KCMF1: variants seen among roughly 807,000 people sequenced by gnomAD.
KCMF1 encodes E3 ubiquitin-protein ligase KCMF1.
In KCMF1, 3 loss-of-function variants were observed where a neutral mutation model predicts 41.1. The ratio of observed to expected loss-of-function variants is 0.07; its 90% confidence interval spans 0.03 to 0.19. The LOEUF (loss-of-function observed/expected upper bound fraction) is 0.19, where lower values mean the gene tolerates loss of function less well. KCMF1 is among the 10% of genes least tolerant of loss of function. The probability of loss-of-function intolerance (pLI) is 1.00; values close to 1 mark genes in which losing one functional copy is unlikely to be tolerated. For missense variants in KCMF1, 286 were observed against 488.9 expected, an observed-to-expected ratio of 0.58 and a Z score of 3.91; for synonymous variants, 142 against 164.5, an observed-to-expected ratio of 0.86 and a Z score of 1.04.
At chr2:85,041,541 C>T (rs1035528960) in intron 3 of KCMF1, among the ~76,000 whole-genome samples, 1 of 152,080 alleles carries the variant, frequency 6.6e-6, no homozygotes, top group Non-Finnish European at 1.5e-5. Flanking sequence ...ATAGATTTTA[C>T]CCGAAGGCCA....
chr2:85,043,309 A>G (rs933242191), intron 3 of KCMF1, among the ~76,000 whole-genome samples: 5 of 152,160 alleles, frequency 3.3e-5, no homozygotes, highest in Admixed American at 3.3e-4. Context: ...AGACCATACA[A>G]ATGAATCAGG....
chr2:85,001,776 G>A (rs961964748), intron 1 of KCMF1, among the ~76,000 whole-genome samples: 2 of 152,106 alleles, frequency 1.3e-5, no homozygotes, highest in Non-Finnish European at 1.5e-5. Flanking sequence ...ATCACATGTT[G>A]CCTAGCAACA....
chr2:85,041,580 A>T (rs1400462012), intron 3 of KCMF1, among the ~76,000 whole-genome samples: 1 of 152,188 alleles, frequency 6.6e-6, no homozygotes, highest in Non-Finnish European at 1.5e-5. Flanking sequence ...TAGAAGAAAG[A>T]TGCCTTTTCC....
At chr2:84,996,002 A>G (rs975265487) in intron 1 of KCMF1, among the ~76,000 whole-genome samples, 1 of 152,246 alleles carries the variant, frequency 6.6e-6, no homozygotes, top group African/African-American at 2.4e-5. Context: ...AAGTTCAGAT[A>G]CCACAAGCAG....
chr2:85,053,224 C>G lies in KCMF1; in HGVS notation c.961C>G (p.Gln321Glu), dbSNP rs1315878276. 1 of 1,614,004 alleles carries G rather than the reference C, an allele frequency of 6.2e-7. No individual in the cohort carries two copies. Among genetic ancestry groups the G allele is most frequent in the Admixed American group, 1.7e-5 (1 of 60,020 alleles). Residue 321 changes from glutamine (Q) to glutamate (E), a missense_variant, in exon 7 of 7, where the codon CAA becomes GAA. Transcript: ENST00000409785. ...SERADRSLFV[Q>E]ELLLSTLVRE... ...GCGTGCAGACCGCAGCCTGTTTGTC[C>G]AAGAGCTCCTTCTGTCCACTTTAGT...
intron 1 of KCMF1, among the ~76,000 whole-genome samples, chr2:85,016,280 A>G (rs1048978075): frequency 1.3e-5 from 2 of 152,116 alleles, no homozygotes; most frequent in African/African-American, 4.8e-5. Flanking sequence ...GTGTGTTTGT[A>G]CGGGTCTCGA....
intron 3 of KCMF1, among the ~76,000 whole-genome samples, chr2:85,036,156 A>G (rs183917368): frequency 6.6e-5 from 10 of 152,324 alleles, no homozygotes; most frequent in Admixed American, 2.0e-4. Context: ...TGAAGTTGTT[A>G]TAACATGTAT....
intron 1 of KCMF1, among the ~76,000 whole-genome samples, chr2:85,015,135 C>T (rs1234883116): frequency 1.7e-5 from 2 of 119,640 alleles, no homozygotes; most frequent in East Asian, 2.4e-4. Context: ...GCCTGGGCGA[C>T]AGAGTGAGAC....
chr2:85,004,717 C>T (rs1303618733), intron 1 of KCMF1, among the ~76,000 whole-genome samples: 1 of 151,984 alleles, frequency 6.6e-6, no homozygotes, highest in African/African-American at 2.4e-5. Context: ...TTTGCTTACC[C>T]TTTATATTAC....
chr2:84,994,464 C>T (rs560528487), intron 1 of KCMF1, among the ~76,000 whole-genome samples: 51 of 151,932 alleles, frequency 3.4e-4, no homozygotes, highest in African/African-American at 9.4e-4. Context: ...AGTGCAATGG[C>T]GTGATCTCAG....
intron 3 of KCMF1, among the ~76,000 whole-genome samples, chr2:85,036,274 T>A (rs936422092): frequency 1.3e-5 from 2 of 152,250 alleles, no homozygotes; most frequent in African/African-American, 2.4e-5. Flanking sequence ...CTCAGACTAC[T>A]GTTGTCACAT....
chr2:85,056,192 A>G lies in KCMF1; in HGVS notation c.*2783A>G, dbSNP rs1470957343. ...TGGATTCTTATAATTAGGCTCAGGT[A>G]AAGTAAGAGAAAACTTCTCTCCCTG... On this transcript the variant is annotated 3_prime_UTR_variant, in exon 7 of 7. Coordinates refer to ENST00000409785, the MANE Select transcript of KCMF1 (RefSeq NM_020122.5). The G allele has an allele frequency of 1.3e-5, 2 of 150,498 alleles. No homozygotes were observed. Among genetic ancestry groups the G allele is most frequent in the Admixed American group, 6.6e-5 (1 of 15,144 alleles). 9.3% of individuals were successfully genotyped at this position (150,498 alleles called of 1,614,324 possible).
chr2:84,985,844 T>C (rs990886200), intron 1 of KCMF1, among the ~76,000 whole-genome samples: 1 of 151,494 alleles, frequency 6.6e-6, no homozygotes, highest in African/African-American at 2.4e-5. Flanking sequence ...AAAAAAACCC[T>C]TGGGCCTAGA....
At chr2:85,029,462 G>A (rs936948095) in intron 2 of KCMF1, among the ~76,000 whole-genome samples, 32 of 151,892 alleles carry the variant, frequency 2.1e-4, no homozygotes, top group Non-Finnish European at 7.4e-5. Flanking sequence ...GGATGTGGTG[G>A]CGCACATGCA....
In KCMF1 at chr2:84,999,623, C is replaced by G. The variant is rs373540247; in HGVS notation, c.16+28156C>G. ...AAAGAAATAAGATCAGAAGAACTTT[C>G]ATTTTCCTATACTATTTATAGATAT... On this transcript the variant is annotated intron_variant, in intron 1 of 6. Transcript: ENST00000409785. 3.9e-5 allele frequency among the ~76,000 whole-genome samples: 6 copies of G among 152,166 alleles called. No individual in the cohort carries two copies. The East Asian group carries it at 9.6e-4, about 24-fold the overall frequency.
chr2:84,980,572 T>G (rs1041909554), intron 1 of KCMF1, among the ~76,000 whole-genome samples: 1 of 152,124 alleles, frequency 6.6e-6, no homozygotes, highest in Non-Finnish European at 1.5e-5. Flanking sequence ...AGTTGTTGGC[T>G]CTCTGAGTTG....
At chr2:84,992,516 T>G (rs1268157229) in intron 1 of KCMF1, among the ~76,000 whole-genome samples, 1 of 152,208 alleles carries the variant, frequency 6.6e-6, no homozygotes, top group Non-Finnish European at 1.5e-5. Context: ...CTGGCCCGTT[T>G]TGGCTCTTAG....
In KCMF1 at chr2:85,053,141, T is replaced by TA. The variant is rs757961496; in HGVS notation, c.885-6dup. 12 of 1,609,702 alleles carry TA rather than the reference T, an allele frequency of 7.5e-6. No homozygotes were observed. The highest frequency in any genetic ancestry group is 8.5e-6 in the Non-Finnish European group (10 of 1,178,154). On this transcript the variant is annotated splice_region_variant and splice_polypyrimidine_tract_variant and intron_variant, in intron 6 of 6. Coordinates refer to ENST00000409785, the MANE Select transcript of KCMF1 (RefSeq NM_020122.5). ...ACAATAAGGTCTTTTCTTTTTAACTTACACAGGTTGAATGATCCTAAAATG... is the reference window on the plus strand; with the variant it reads ...ACAATAAGGTCTTTTCTTTTTAACTTAACACAGGTTGAATGATCCTAAAATG...
chr2:85,044,706 A>G (rs758093289), intron 4 of KCMF1, among the ~76,000 whole-genome samples: 1 of 151,774 alleles, frequency 6.6e-6, no homozygotes, highest in Non-Finnish European at 1.5e-5. Context: ...TTTAGTAGAG[A>G]TGGGGTTTCA....
Sources: gnomAD v4.1 joint callset for allele counts (sites outside exome capture counted in the v4.1 genomes callset) on GRCh38, gnomAD v4.1.1 for gene constraint, MANE v1.5 for transcripts, NCBI Gene and HGNC (gene_info 2026-07-23, HGNC 2026-07-21) for gene names.